Variants in PCTP observed in about 807,000 individuals in gnomAD.
The protein encoded by PCTP is phosphatidylcholine transfer protein.
In PCTP, 27 loss-of-function variants were observed where a neutral mutation model predicts 31.0. That is an observed-to-expected ratio of 0.87 (90% CI 0.64 to 1.20). The LOEUF is 1.20. Among genes scored for constraint, PCTP ranks in the 50% most tolerant of loss-of-function variants. The probability of loss-of-function intolerance (pLI) is 0.00; values close to 1 mark genes in which losing one functional copy is unlikely to be tolerated. For missense variants in PCTP, 287 were observed against 268.2 expected (o/e 1.07, Z -0.49); for synonymous variants, 108 against 101.2 (o/e 1.07, Z -0.40).
At chr17:55,774,448 C>T (rs188056052) in intron 4 of PCTP, among the ~76,000 whole-genome samples, 2 of 152,246 alleles carry the variant, frequency 1.3e-5, no homozygotes, top group African/African-American at 4.8e-5. Flanking sequence ...GAATATGTCA[C>T]CTAATTTTTA....
chr17:55,775,672 T>G, intron 5 of PCTP: 1 of 1,209,654 alleles, frequency 8.3e-7, no homozygotes, highest in South Asian at 3.9e-5. Flanking sequence ...ATCCTTACCA[T>G]TTTCTAATTC....
chr17:55,760,009 C>A (rs1027839282), intron 1 of PCTP, among the ~76,000 whole-genome samples: 3 of 151,810 alleles, frequency 2.0e-5, no homozygotes, highest in Non-Finnish European at 2.9e-5. Context: ...TTTTTTTTCA[C>A]GCATTTGAAT....
chr17:55,838,674 G>T (rs574925467), intron 5 of PCTP, among the ~76,000 whole-genome samples: 1 of 152,146 alleles, frequency 6.6e-6, no homozygotes, highest in East Asian at 1.9e-4. Context: ...ATCAAATGAT[G>T]CTTTTTATTG....
chr17:55,784,132 G>A (rs1473688274), intron 2 of PCTP, among the ~76,000 whole-genome samples: 1 of 152,156 alleles, frequency 6.6e-6, no homozygotes, highest in African/African-American at 2.4e-5. Context: ...ATCATTGGGC[G>A]AGGTGGCCTG....
chr17:55,804,052 A>G (rs549221972), intron 3 of PCTP, among the ~76,000 whole-genome samples: 8 of 152,384 alleles, frequency 5.2e-5, no homozygotes, highest in African/African-American at 1.9e-4. Context: ...TCAGCAAAGT[A>G]TATGAACAGA....
intron 5 of PCTP, among the ~76,000 whole-genome samples, chr17:55,836,859 T>C (rs1905793466): frequency 6.6e-6 from 1 of 152,234 alleles, no homozygotes; most frequent in East Asian, 1.9e-4. Flanking sequence ...ATACAAATAA[T>C]TCTATATTTC....
At chr17:55,803,903 A>AC (rs1912482186) in intron 3 of PCTP, among the ~76,000 whole-genome samples, 2 of 151,966 alleles carry the variant, frequency 1.3e-5, no homozygotes, top group Non-Finnish European at 2.9e-5. Context: ...AAAAAAAAAA[A>AC]AACCAGGATC....
intron 5 of PCTP, among the ~76,000 whole-genome samples, chr17:55,839,721 C>A (rs1252307281): frequency 6.6e-6 from 1 of 151,286 alleles, no homozygotes; most frequent in Non-Finnish European, 1.5e-5. Context: ...GAGATCGAGA[C>A]CATCCCGGCT....
chr17:55,839,640 G>T (rs972065632), intron 5 of PCTP, among the ~76,000 whole-genome samples: 2 of 152,192 alleles, frequency 1.3e-5, no homozygotes, highest in Non-Finnish European at 2.9e-5. Context: ...ACAACAACTG[G>T]CCGGGCGCGG....
At position 55,751,079 on chromosome 17, in the gene PCTP, G is replaced by A. The variant is rs1304581784; in HGVS notation, c.-25G>A. ...AGGGTGTCCGCGGCCTGCCCTCCAG[G>A]CGGAGGAGCCCGGACTGCGGAAGGA... On this transcript the variant is annotated 5_prime_UTR_variant, in exon 1 of 6. Coordinates refer to ENST00000268896, the MANE Select transcript of PCTP (RefSeq NM_021213.4). 3 of 1,509,754 alleles carry A rather than the reference G, an allele frequency of 2.0e-6. No individual in the cohort carries two copies. Among genetic ancestry groups the A allele is most frequent in the Non-Finnish European group, 2.7e-6 (3 of 1,130,390 alleles). The allele number at this position is 1,509,754 out of a possible 1,614,324, so 93.5% of individuals were successfully genotyped here. A position where few individuals can be genotyped will look rare whatever the true frequency, so the allele number is the denominator to read the frequency against.
At chr17:55,808,473 AAAAGTCTGGC>A (rs1912644968) in intron 3 of PCTP, among the ~76,000 whole-genome samples, 1 of 152,230 alleles carries the variant, frequency 6.6e-6, no homozygotes, top group South Asian at 2.1e-4. Context: ...AAAAGGCTAG[AAAAGTCTGGC>A]AAATAATATG....
chr17:55,839,228 G>A (rs1483558828), intron 5 of PCTP, among the ~76,000 whole-genome samples: 8 of 152,064 alleles, frequency 5.3e-5, no homozygotes, highest in Admixed American at 5.2e-4. Flanking sequence ...TGTATAAAAG[G>A]GGAACAATAA....
At chr17:55,805,564 G>A (rs1436059615) in intron 3 of PCTP, among the ~76,000 whole-genome samples, 3 of 151,628 alleles carry the variant, frequency 2.0e-5, no homozygotes, top group Non-Finnish European at 2.9e-5. Context: ...ATAGTATTCC[G>A]TGTGTGTAGA....
the PCTP span, among the ~76,000 whole-genome samples, chr17:55,849,183 G>A: frequency 6.8e-6 from 1 of 146,024 alleles, no homozygotes; most frequent in African/African-American, 2.7e-5. Context: ...TCTCAAGAGA[G>A]GTTTGGAAAG....
chr17:55,766,915 C>T (rs1334578622), intron 1 of PCTP, among the ~76,000 whole-genome samples: 1 of 152,140 alleles, frequency 6.6e-6, no homozygotes, highest in Admixed American at 6.5e-5. Context: ...ACATCCTCTC[C>T]AGCACCTGTT....
At chr17:55,754,622 A>G (rs1909900770) in intron 1 of PCTP, among the ~76,000 whole-genome samples, 1 of 152,210 alleles carries the variant, frequency 6.6e-6, no homozygotes, top group Non-Finnish European at 1.5e-5. Flanking sequence ...TCTCATATTA[A>G]TAGACTGATT....
intron 3 of PCTP, among the ~76,000 whole-genome samples, chr17:55,797,687 G>T (rs4531798): frequency 0.38 from 57,028 of 151,856 alleles, 16,595 homozygotes; most frequent in African/African-American, 0.82. Context: ...AAAGACTAGC[G>T]CTAAAAGAGA....
At chr17:55,834,731 T>C (rs1905721445) in intron 5 of PCTP, among the ~76,000 whole-genome samples, 1 of 151,974 alleles carries the variant, frequency 6.6e-6, no homozygotes, top group African/African-American at 2.4e-5. Context: ...AAGAAAGTAA[T>C]TAGAAAGAGT....
chr17:55,821,356 G>A (rs1913109558), intron 3 of PCTP, among the ~76,000 whole-genome samples: 1 of 152,176 alleles, frequency 6.6e-6, no homozygotes, highest in South Asian at 2.1e-4. Context: ...ATTAGCAGTT[G>A]CTTGGGATTA....
Sources: allele counts gnomAD v4.1 joint callset (sites outside exome capture counted in the v4.1 genomes callset), GRCh38; gene constraint gnomAD v4.1.1; transcripts MANE v1.5; gene names NCBI Gene and HGNC (gene_info 2026-07-23, HGNC 2026-07-21).